The following ERCC6L2 variants were observed in gnomAD, a reference collection of about 807,000 sequenced individuals.
The protein encoded by ERCC6L2 is ERCC excision repair 6 like 2.
A neutral mutation model predicts 132.0 loss-of-function variants in ERCC6L2; 77 were observed. The ratio of observed to expected loss-of-function variants is 0.58; its 90% CI spans 0.49 to 0.71. The LOEUF (loss-of-function observed/expected upper bound fraction) is 0.71, where lower values mean the gene tolerates loss of function less well. Ranked by LOEUF, ERCC6L2 falls within the 30% of genes least tolerant of loss-of-function variation. ERCC6L2 has a pLI of 0.00. For missense variants in ERCC6L2, 1,542 were observed against 1,837.6 expected (o/e 0.84, Z 2.94); for synonymous variants, 583 against 632.4 (o/e 0.92, Z 1.17).
Position 95,972,375 on chromosome 9 carries a change from C to T in ERCC6L2, c.2624C>T (p.Ser875Phe). 1 of 1,279,408 alleles carries T rather than the reference C, an allele frequency of 7.8e-7. No individual in the cohort carries two copies. Among genetic ancestry groups the T allele is most frequent in the South Asian group, 1.3e-5 (1 of 76,974 alleles). 79.3% of individuals were successfully genotyped at this position (1,279,408 alleles called of 1,614,324 possible). A position where few individuals can be genotyped will look rare whatever the true frequency, so the allele number is the denominator to read the frequency against. ...KSEKILEQNISSKSDEKKIKN... is the reference protein window; with the variant it reads ...KSEKILEQNIFSKSDEKKIKN... ...GAGAAGATTTTAGAACAGAATATTT[C>T]TTCCAAGTCTGACGAGAAAAAAATT... The change falls in exon 16 of 19, where the codon TCT becomes TTT. Residue 875 changes from serine to phenylalanine, a missense_variant. By Grantham distance (155) the Ser-to-Phe change is radical. This residue lies in a region of ERCC6L2 where 945 missense variants were observed against 1,105.2 expected (regional missense o/e 0.86). Coordinates refer to ENST00000653738, the MANE Select transcript of ERCC6L2 (RefSeq NM_020207.7).
intron 2 of ERCC6L2, among the ~76,000 whole-genome samples, chr9:95,895,883 G>A (rs1301969696): frequency 1.3e-5 from 2 of 151,806 alleles, no homozygotes; most frequent in East Asian, 3.9e-4. Flanking sequence ...CCCGCCACCG[G>A]GCCCGGCTAA....
chr9:95,903,474 T>C (rs1396774199), intron 3 of ERCC6L2, among the ~76,000 whole-genome samples: 1 of 152,140 alleles, frequency 6.6e-6, no homozygotes, highest in African/African-American at 2.4e-5. Flanking sequence ...GTTGAATTTA[T>C]AGTTAACTTT....
intron 12 of ERCC6L2, among the ~76,000 whole-genome samples, chr9:95,953,587 A>G (rs924499741): frequency 2.0e-5 from 3 of 151,800 alleles, no homozygotes; most frequent in Non-Finnish European, 4.4e-5. Context: ...AAAAAAAAAA[A>G]AACAATGAAA....
At chr9:95,883,766 G>T (rs1827721225) in intron 2 of ERCC6L2, among the ~76,000 whole-genome samples, 1 of 152,216 alleles carries the variant, frequency 6.6e-6, no homozygotes, top group Admixed American at 6.5e-5. Context: ...GCCAAGGCAG[G>T]AGAATCTCTT....
At chr9:95,898,068 A>G in intron 3 of ERCC6L2, 97 bp downstream of exon 3, 2 of 1,078,488 alleles carry the variant, frequency 1.9e-6, no homozygotes, top group Non-Finnish European at 2.5e-6. Context: ...GTATTGGTAT[A>G]CATTTTAAAA....
intron 1 of ERCC6L2, among the ~76,000 whole-genome samples, chr9:95,878,163 A>T (rs563974301): frequency 1.3e-5 from 2 of 152,346 alleles, no homozygotes; most frequent in South Asian, 2.1e-4. Context: ...CTGGTCTGAC[A>T]CTTTTTTTTG....
intron 11 of ERCC6L2, among the ~76,000 whole-genome samples, chr9:95,934,625 T>A (rs191472813): frequency 3.9e-5 from 6 of 152,104 alleles, no homozygotes; most frequent in African/African-American, 1.4e-4. Flanking sequence ...CATTCTTGGT[T>A]TTGACTTTCA....
At chr9:95,960,780 G>T (rs55865494) in intron 13 of ERCC6L2, among the ~76,000 whole-genome samples, 1 of 152,060 alleles carries the variant, frequency 6.6e-6, no homozygotes, top group Non-Finnish European at 1.5e-5. Flanking sequence ...CTATAGGTGC[G>T]TGCTACCACA....
chr9:95,997,030 C>G (rs1833494421), intron 17 of ERCC6L2, among the ~76,000 whole-genome samples: 1 of 152,134 alleles, frequency 6.6e-6, no homozygotes, highest in South Asian at 2.1e-4. Flanking sequence ...ACCAGGAGTT[C>G]AAGGCCAGCC....
At chr9:95,911,085 A>G (rs192616368) in intron 4 of ERCC6L2, among the ~76,000 whole-genome samples, 6 of 152,138 alleles carry the variant, frequency 3.9e-5, no homozygotes, top group Non-Finnish European at 7.4e-5. Context: ...TGTAGAGACA[A>G]AGTCTCCCTG....
At chr9:95,952,632 A>C (rs1273771556) in intron 12 of ERCC6L2, among the ~76,000 whole-genome samples, 1 of 152,188 alleles carries the variant, frequency 6.6e-6, no homozygotes, top group Non-Finnish European at 1.5e-5. Context: ...TCAGGAGTTC[A>C]AGGCCTGCCT....
chr9:95,908,689 C>T (rs1416182348), intron 4 of ERCC6L2, among the ~76,000 whole-genome samples: 2 of 152,022 alleles, frequency 1.3e-5, no homozygotes, highest in Admixed American at 6.6e-5. Flanking sequence ...TTTGTCTCTA[C>T]AGGGATACAA....
At chr9:95,946,421 G>T (rs1831067875) in intron 12 of ERCC6L2, among the ~76,000 whole-genome samples, 1 of 152,094 alleles carries the variant, frequency 6.6e-6, no homozygotes. Context: ...CCAGCTACTT[G>T]GGAGGCTGAG....
intron 15 of ERCC6L2, among the ~76,000 whole-genome samples, 180 bp downstream of exon 15, chr9:95,970,836 A>G (rs543071947): frequency 6.6e-6 from 1 of 152,322 alleles, no homozygotes; most frequent in African/African-American, 2.4e-5. Context: ...CATTCATATT[A>G]TAAGAACAAA....
intron 19 of ERCC6L2, among the ~76,000 whole-genome samples, chr9:96,036,776 T>TTTA (rs776837671): frequency 0.028 from 4,163 of 147,098 alleles, 103 homozygotes; most frequent in Non-Finnish European, 0.044. Flanking sequence ...TTTATTTATT[T>TTTA]TTTTTTTTGA....
Position 95,927,950 on chromosome 9 carries a change from A to T in ERCC6L2, c.1534-129A>T, listed in dbSNP as rs1830171233. 2.4e-5 allele frequency: 14 copies of T among 580,446 alleles called. No individual in the cohort carries two copies. The South Asian group carries it at 4.2e-4, about 18-fold the overall frequency. 36.0% of individuals were successfully genotyped at this position (580,446 alleles called of 1,614,324 possible). Reference sequence around the variant, plus strand: ...CTCTAACTTGGAAAAAATGAAAGGAATTAGAAAAAATGAATGAGGTTAGTA... The same window carrying T: ...CTCTAACTTGGAAAAAATGAAAGGATTTAGAAAAAATGAATGAGGTTAGTA... On this transcript the variant is annotated intron_variant, in intron 9 of 18. Transcript: ENST00000653738.
intron 12 of ERCC6L2, among the ~76,000 whole-genome samples, chr9:95,952,395 A>G (rs944970004): frequency 3.3e-5 from 5 of 152,172 alleles, no homozygotes; most frequent in African/African-American, 9.6e-5. Context: ...TATTGAAAGG[A>G]TGATACACAG....
chr9:95,958,416 C>T (rs1417998098), intron 13 of ERCC6L2, among the ~76,000 whole-genome samples: 1 of 152,086 alleles, frequency 6.6e-6, no homozygotes, highest in Non-Finnish European at 1.5e-5. Flanking sequence ...TTCTAGGTCC[C>T]TGAGGAATTG....
intron 16 of ERCC6L2, 129 bp from the exon 17 acceptor site, chr9:95,977,932 A>G (rs1168568352): frequency 1.1e-4 from 60 of 537,916 alleles, no homozygotes; most frequent in Non-Finnish European, 1.6e-4. Context: ...TCTCTTTTCA[A>G]TATTTTTCCT....
Sources: allele counts gnomAD v4.1 joint callset (sites outside exome capture counted in the v4.1 genomes callset), GRCh38; gene constraint gnomAD v4.1.1; regional missense constraint gnomAD v4.1.1; transcripts MANE v1.5; gene names NCBI Gene and HGNC (gene_info 2026-07-23, HGNC 2026-07-21).